The following KIAA1217 variants were observed in gnomAD, a reference collection of about 807,000 sequenced individuals.
KIAA1217 encodes sickle tail protein homolog.
In KIAA1217, 88 loss-of-function variants were observed where a neutral mutation model predicts 163.9. That is an observed-to-expected ratio of 0.54 (90% CI 0.45 to 0.64). KIAA1217 has a LOEUF of 0.64. KIAA1217 is among the 30% of genes least tolerant of loss of function. KIAA1217 has a pLI of 0.00. For synonymous variants in KIAA1217, 903 were observed against 923.1 expected (o/e 0.98, Z 0.39); for missense variants, 2,372 against 2,475.0 (o/e 0.96, Z 0.88).
chr10:23,957,503 C>T (rs550441499), intron 1 of KIAA1217, among the ~76,000 whole-genome samples: 1 of 152,186 alleles, frequency 6.6e-6, no homozygotes, highest in East Asian at 1.9e-4. Context: ...TGGCAGATCA[C>T]CTGAGGTCAA....
intron 1 of KIAA1217, among the ~76,000 whole-genome samples, chr10:23,859,401 T>A (rs1429821316): frequency 6.6e-6 from 1 of 152,250 alleles, no homozygotes; most frequent in African/African-American, 2.4e-5. Flanking sequence ...GTAACTTGAA[T>A]GGAATTGTCA....
At chr10:24,383,189 G>A (rs547886820) in intron 3 of KIAA1217, among the ~76,000 whole-genome samples, 134 of 152,250 alleles carry the variant, frequency 8.8e-4, no homozygotes, top group African/African-American at 3.0e-3. Flanking sequence ...TTAGGAGCCA[G>A]GCAAGGAATG....
At chr10:23,883,295 G>T (rs1479278584) in intron 1 of KIAA1217, among the ~76,000 whole-genome samples, 1 of 151,862 alleles carries the variant, frequency 6.6e-6, no homozygotes, top group Non-Finnish European at 1.5e-5. Flanking sequence ...TGAGACTAGA[G>T]AATCTCTCAG....
At chr10:24,202,176 C>T (rs561432528) in intron 2 of KIAA1217, among the ~76,000 whole-genome samples, 4 of 152,298 alleles carry the variant, frequency 2.6e-5, no homozygotes, top group Non-Finnish European at 5.9e-5. Flanking sequence ...ATCACTCAAC[C>T]GGAGGCTGAG....
chr10:24,521,498 C>A (rs973056827), intron 11 of KIAA1217, among the ~76,000 whole-genome samples: 5 of 152,080 alleles, frequency 3.3e-5, no homozygotes, highest in Non-Finnish European at 7.4e-5. Context: ...CAGAGTGAGA[C>A]CCTGTCAGCC....
chr10:23,707,902 T>C (rs573790360), intron 1 of KIAA1217, among the ~76,000 whole-genome samples: 1 of 152,264 alleles, frequency 6.6e-6, no homozygotes, highest in East Asian at 1.9e-4. Context: ...AGAAATGGAA[T>C]TGAATGAAGG....
At chr10:24,146,990 C>T (rs1263859954) in intron 2 of KIAA1217, among the ~76,000 whole-genome samples, 1 of 93,572 alleles carries the variant, frequency 1.1e-5, no homozygotes, top group Non-Finnish European at 2.1e-5. Context: ...ACTTAAGGAA[C>T]ATGTTTTTGT....
intron 2 of KIAA1217, chr10:24,042,105 GT>G (rs1490083279): frequency 6.6e-6 from 1 of 152,144 alleles, no homozygotes; most frequent in Non-Finnish European, 1.5e-5. Context: ...ATGATGCCTT[GT>G]GTTTAAAAGA....
At chr10:24,542,548 C>T in intron 17 of KIAA1217, 145 bp from the exon 18 acceptor site, 1 of 1,478,718 alleles carries the variant, frequency 6.8e-7, no homozygotes, top group Non-Finnish European at 9.0e-7. Flanking sequence ...CCAAGGTAAA[C>T]AGCTGTAGGC....
intron 1 of KIAA1217, among the ~76,000 whole-genome samples, chr10:23,902,479 G>A (rs979969218): frequency 2.6e-5 from 4 of 152,012 alleles, no homozygotes; most frequent in Non-Finnish European, 5.9e-5. Flanking sequence ...TCACCTTCCT[G>A]GGGGCTCAGG....
chr10:23,939,597 A>G (rs2131331561), intron 1 of KIAA1217, among the ~76,000 whole-genome samples: 1 of 152,106 alleles, frequency 6.6e-6, no homozygotes, highest in East Asian at 1.9e-4. Context: ...GGACATCACA[A>G]TCCTACATGT....
At chr10:24,343,107 G>A (rs895069203) in intron 2 of KIAA1217, among the ~76,000 whole-genome samples, 5 of 151,824 alleles carry the variant, frequency 3.3e-5, no homozygotes, top group South Asian at 2.1e-4. Context: ...AATTTCTTAC[G>A]AAGGCAAAGC....
At chr10:23,852,673 T>C (rs1478340694) in intron 1 of KIAA1217, among the ~76,000 whole-genome samples, 2 of 152,208 alleles carry the variant, frequency 1.3e-5, no homozygotes, top group Non-Finnish European at 2.9e-5. Context: ...CATTTGTTTG[T>C]ATCCTCTTTT....
At chr10:24,199,771 C>T (rs1024933630) in intron 2 of KIAA1217, among the ~76,000 whole-genome samples, 1 of 152,012 alleles carries the variant, frequency 6.6e-6, no homozygotes, top group South Asian at 2.1e-4. Flanking sequence ...AAACTGACCA[C>T]GTGAATGTCC....
At chr10:23,890,858 A>G (rs992551628) in intron 1 of KIAA1217, among the ~76,000 whole-genome samples, 1 of 151,984 alleles carries the variant, frequency 6.6e-6, no homozygotes, top group African/African-American at 2.4e-5. Context: ...AAAAACTCCA[A>G]ATTTGATATC....
chr10:24,066,843 T>C (rs564899413), intron 2 of KIAA1217, among the ~76,000 whole-genome samples: 2 of 152,198 alleles, frequency 1.3e-5, no homozygotes, highest in South Asian at 2.1e-4. Flanking sequence ...TGTTCATTTC[T>C]TTTTATTCTT....
intron 2 of KIAA1217, among the ~76,000 whole-genome samples, chr10:24,092,528 A>G (rs1379660807): frequency 1.3e-5 from 2 of 151,902 alleles, no homozygotes; most frequent in African/African-American, 4.9e-5. Context: ...ATGAATGGGT[A>G]CACAAATTGC....
At chr10:23,982,110 C>T (rs1269606317) in intron 1 of KIAA1217, among the ~76,000 whole-genome samples, 2 of 151,732 alleles carry the variant, frequency 1.3e-5, no homozygotes, top group Admixed American at 1.3e-4. Flanking sequence ...TGTGGTGACT[C>T]TGTAATAATA....
intron 1 of KIAA1217, among the ~76,000 whole-genome samples, chr10:23,802,113 GA>G (rs1836494860): frequency 6.6e-6 from 1 of 152,136 alleles, no homozygotes; most frequent in South Asian, 2.1e-4. Context: ...GCTGATAGCA[GA>G]ATATGGGGTA....
Sources: gnomAD v4.1 joint callset for allele counts (sites outside exome capture counted in the v4.1 genomes callset) on GRCh38, gnomAD v4.1.1 for gene constraint, MANE v1.5 for transcripts, NCBI Gene and HGNC (gene_info 2026-07-23, HGNC 2026-07-21) for gene names.